The following KCNN2 variants were observed in gnomAD, a reference collection of about 807,000 sequenced individuals.
The protein encoded by KCNN2 is potassium calcium-activated channel subfamily N member 2, also known as small conductance calcium-activated potassium channel protein 2.
Under a neutral mutation model 55.5 loss-of-function variants are expected in KCNN2, and 24 were observed. The ratio of observed to expected loss-of-function variants is 0.43; its 90% CI spans 0.31 to 0.61. The LOEUF (loss-of-function observed/expected upper bound fraction) is 0.61, where lower values mean the gene tolerates loss of function less well. KCNN2 is among the 20% of genes least tolerant of loss of function. KCNN2 has a pLI of 0.08. For synonymous variants in KCNN2, 431 were observed against 336.1 expected (o/e 1.28, Z -3.09); for missense variants, 754 against 853.6 (o/e 0.88, Z 1.45).
At chr5:114,211,418 G>T (rs1280247071) in intron 1 of KCNN2, among the ~76,000 whole-genome samples, 2 of 152,122 alleles carry the variant, frequency 1.3e-5, no homozygotes, top group South Asian at 2.1e-4. Flanking sequence ...CAGAAACATG[G>T]ATGGAGCTGG....
At chr5:114,204,620 GA>G (rs1161967816) in intron 1 of KCNN2, among the ~76,000 whole-genome samples, 1 of 152,122 alleles carries the variant, frequency 6.6e-6, no homozygotes, top group Non-Finnish European at 1.5e-5. Flanking sequence ...AAATGAGTAT[GA>G]AAGTTCTTCA....
intron 1 of KCNN2, among the ~76,000 whole-genome samples, chr5:114,127,104 G>C (rs191110876): frequency 6.6e-6 from 1 of 152,144 alleles, no homozygotes; most frequent in Non-Finnish European, 1.5e-5. Context: ...GGCATTGAGC[G>C]TCTGAGACTT....
At chr5:114,395,911 A>T (rs1189192072) in intron 2 of KCNN2, among the ~76,000 whole-genome samples, 1 of 151,810 alleles carries the variant, frequency 6.6e-6, no homozygotes, top group Non-Finnish European at 1.5e-5. Flanking sequence ...ACTTTGTCTA[A>T]TTTTTCCTTT....
chr5:114,363,646 G>A lies in KCNN2; in HGVS notation c.1123-260G>A, dbSNP rs1384250428. 3.3e-5 allele frequency among the ~76,000 whole-genome samples: 5 copies of A among 152,248 alleles called. No individual in the cohort carries two copies. The South Asian group carries it at 8.3e-4, about 25-fold the overall frequency. ...GGTTTTGCTAGCCTGGAACAGCGGC[G>A]CTCGCTTCGGTCCTCTATGGCGTGG... On this transcript the variant is annotated intron_variant, in intron 1 of 7. Transcript: ENST00000673685.
At chr5:114,159,336 C>T (rs924100807) in intron 1 of KCNN2, among the ~76,000 whole-genome samples, 2 of 152,200 alleles carry the variant, frequency 1.3e-5, no homozygotes, top group Non-Finnish European at 2.9e-5. Flanking sequence ...ACCAGCCTTG[C>T]ATCCCAGGGA....
chr5:114,126,982 T>C (rs1206405699), intron 1 of KCNN2, among the ~76,000 whole-genome samples: 2 of 152,212 alleles, frequency 1.3e-5, no homozygotes, highest in East Asian at 1.9e-4. Flanking sequence ...TTTGACTCCA[T>C]GTCTGATATC....
chr5:114,063,805 A>T (rs1315122983), intron 1 of KCNN2, among the ~76,000 whole-genome samples: 3 of 152,204 alleles, frequency 2.0e-5, no homozygotes, highest in African/African-American at 7.2e-5. Context: ...GGTCACCCTA[A>T]AAGGCATACT....
chr5:114,483,131 C>T (rs1034941153), intron 5 of KCNN2, among the ~76,000 whole-genome samples: 1 of 151,826 alleles, frequency 6.6e-6, no homozygotes, highest in African/African-American at 2.4e-5. Context: ...TTGTATCTTA[C>T]TACCCATGGT....
intron 2 of KCNN2, among the ~76,000 whole-genome samples, chr5:114,386,701 A>C (rs1461469988): frequency 6.6e-6 from 1 of 152,192 alleles, no homozygotes; most frequent in East Asian, 1.9e-4. Context: ...TGTATTTGTA[A>C]TATAAGCACC....
At chr5:114,216,070 A>G (rs1197469549) in intron 1 of KCNN2, among the ~76,000 whole-genome samples, 1 of 152,130 alleles carries the variant, frequency 6.6e-6, no homozygotes, top group African/African-American at 2.4e-5. Context: ...ATTTACTTCA[A>G]CTGGAATTCT....
intron 3 of KCNN2, among the ~76,000 whole-genome samples, chr5:114,429,536 T>G (rs991514711): frequency 6.6e-6 from 1 of 152,122 alleles, no homozygotes; most frequent in African/African-American, 2.4e-5. Context: ...GTGTTCTTTG[T>G]ATCTCTTGGA....
chr5:114,280,758 C>T (rs901113390), intron 2 of KCNN2, among the ~76,000 whole-genome samples: 1 of 152,024 alleles, frequency 6.6e-6, no homozygotes, highest in Admixed American at 6.6e-5. Context: ...TCAGAGTGAC[C>T]CTTTTAAATG....
intron 2 of KCNN2, among the ~76,000 whole-genome samples, chr5:114,367,730 A>G (rs895219364): frequency 2.0e-5 from 3 of 152,020 alleles, no homozygotes; most frequent in African/African-American, 7.2e-5. Flanking sequence ...GAGTTCAACT[A>G]TCCTTTAAGA....
intron 4 of KCNN2, among the ~76,000 whole-genome samples, chr5:114,467,077 C>T (rs976817924): frequency 6.6e-6 from 1 of 152,132 alleles, no homozygotes; most frequent in Non-Finnish European, 1.5e-5. Flanking sequence ...TAAATTTGCC[C>T]TGTGCCGAGG....
chr5:114,101,357 T>G (rs1751368595), intron 1 of KCNN2, among the ~76,000 whole-genome samples: 1 of 151,640 alleles, frequency 6.6e-6, no homozygotes, highest in Non-Finnish European at 1.5e-5. Context: ...TGTAATCACA[T>G]CTCTAGGTGG....
At chr5:114,280,193 G>A (rs1755593313) in intron 2 of KCNN2, among the ~76,000 whole-genome samples, 1 of 152,138 alleles carries the variant, frequency 6.6e-6, no homozygotes, top group African/African-American at 2.4e-5. Flanking sequence ...GTAGATTCTG[G>A]ATATTAGCCC....
At chr5:114,067,103 A>G (rs1191885526) in intron 1 of KCNN2, among the ~76,000 whole-genome samples, 2 of 152,246 alleles carry the variant, frequency 1.3e-5, no homozygotes, top group Non-Finnish European at 2.9e-5. Flanking sequence ...GAAATGTGCT[A>G]AATGAAGATG....
At chr5:114,450,644 T>A (rs929667974) in intron 3 of KCNN2, among the ~76,000 whole-genome samples, 2 of 152,204 alleles carry the variant, frequency 1.3e-5, no homozygotes, top group African/African-American at 4.8e-5. Context: ...TGAAGCCAGC[T>A]CCAGATTGTC....
intron 2 of KCNN2, among the ~76,000 whole-genome samples, chr5:114,225,500 T>G (rs1050945932): frequency 6.6e-6 from 1 of 152,132 alleles, no homozygotes; most frequent in Admixed American, 6.5e-5. Context: ...CACCAGTGGA[T>G]TAAGTAACAA....
Sources: allele counts gnomAD v4.1 joint callset (sites outside exome capture counted in the v4.1 genomes callset), GRCh38; gene constraint gnomAD v4.1.1; transcripts MANE v1.5; gene names NCBI Gene and HGNC (gene_info 2026-07-23, HGNC 2026-07-21).